FRMPD3: variants seen among roughly 807,000 people sequenced by gnomAD.
FRMPD3 encodes FERM and PDZ domain-containing protein 3.
In FRMPD3, 42 loss-of-function variants were observed where a neutral mutation model predicts 97.9. The observed-to-expected ratio is 0.43, with a 90% CI of 0.34 to 0.55. The LOEUF (loss-of-function observed/expected upper bound fraction) is 0.55, where lower values mean the gene tolerates loss of function less well. Among genes scored for constraint, FRMPD3 ranks in the 20% least tolerant of loss-of-function variants. FRMPD3 has a pLI of 0.03. For synonymous variants in FRMPD3, 577 were observed against 581.1 expected (o/e 0.99, Z 0.10); for missense variants, 1,303 against 1,457.7 (o/e 0.89, Z 1.73).
At chrX:107,573,360 T>C (rs918173426) in intron 12 of FRMPD3, among the ~76,000 whole-genome samples, 1 of 111,782 alleles carries the variant, frequency 8.9e-6, no homozygotes, top group African/African-American at 3.3e-5. Context: ...CCTCTGTATC[T>C]GTATATCCTT....
chrX:107,450,099 G>A (rs1452959092), intron 1 of FRMPD3, among the ~76,000 whole-genome samples, 94 bp downstream of exon 1: 1 of 110,623 alleles, frequency 9.0e-6, no homozygotes, highest in Non-Finnish European at 1.9e-5. Flanking sequence ...GGGCCGGCTG[G>A]GGGGCGACTG....
intron 1 of FRMPD3, among the ~76,000 whole-genome samples, chrX:107,517,158 A>T (rs113976062): frequency 9.0e-6 from 1 of 111,578 alleles, no homozygotes; most frequent in Admixed American, 9.5e-5. Flanking sequence ...TCTTGTTTTT[A>T]TCAGATAGTT....
intron 12 of FRMPD3, among the ~76,000 whole-genome samples, chrX:107,572,879 C>CACTACTACTACT (rs35706267): frequency 0.017 from 1,692 of 99,461 alleles, 34 homozygotes; most frequent in Admixed American, 0.053. Context: ...ACCACATCTC[C>CACTACTACTACT]ACTACTACTA....
At chrX:107,583,626 A>G (rs1407619313) in intron 13 of FRMPD3, among the ~76,000 whole-genome samples, 4 of 111,736 alleles carry the variant, frequency 3.6e-5, no homozygotes, top group Non-Finnish European at 3.8e-5. Context: ...GCTGAGTCAA[A>G]TGGTATTTCT....
At chrX:107,587,749 C>T (rs766970631) in intron 13 of FRMPD3, among the ~76,000 whole-genome samples, 2 of 111,717 alleles carry the variant, frequency 1.8e-5, no homozygotes, top group Non-Finnish European at 3.8e-5. Flanking sequence ...GTTGAAAATT[C>T]TTTTCTTTAA....
intron 1 of FRMPD3, among the ~76,000 whole-genome samples, chrX:107,488,278 A>T (rs978100053): frequency 4.5e-5 from 5 of 112,022 alleles, no homozygotes; most frequent in African/African-American, 1.6e-4. Flanking sequence ...TTTGACAAGG[A>T]CCCTGAATGG....
chrX:107,456,169 T>A (rs1173113751), intron 1 of FRMPD3, among the ~76,000 whole-genome samples: 1 of 109,878 alleles, frequency 9.1e-6, no homozygotes, highest in Non-Finnish European at 1.9e-5. Flanking sequence ...GCTCAAGTGA[T>A]CCTCCCACCT....
intron 1 of FRMPD3, among the ~76,000 whole-genome samples, chrX:107,458,690 CAGA>C (rs1267045493): frequency 2.7e-5 from 3 of 111,626 alleles, no homozygotes; most frequent in Non-Finnish European, 5.6e-5. Context: ...TCTCTGATGT[CAGA>C]AGAAGTTTGG....
intron 1 of FRMPD3, among the ~76,000 whole-genome samples, chrX:107,463,495 A>G: frequency 8.9e-6 from 1 of 112,480 alleles, no homozygotes; most frequent in Middle Eastern, 4.6e-3. Context: ...CTCAAAGATA[A>G]TATTTCTATA....
intron 1 of FRMPD3, among the ~76,000 whole-genome samples, chrX:107,480,768 G>T (rs1203123535): frequency 9.7e-6 from 1 of 102,872 alleles, no homozygotes. Flanking sequence ...GGCGGAGGTT[G>T]CAGTGAGCCA....
At chrX:107,491,204 G>T (rs181203278) in intron 1 of FRMPD3, among the ~76,000 whole-genome samples, 1 of 112,060 alleles carries the variant, frequency 8.9e-6, no homozygotes, top group East Asian at 2.8e-4. Context: ...CATCACTGTT[G>T]TCGTGCTTGT....
intron 13 of FRMPD3, among the ~76,000 whole-genome samples, chrX:107,582,935 A>G (rs1923461387): frequency 8.9e-6 from 1 of 112,049 alleles, no homozygotes; most frequent in Non-Finnish European, 1.9e-5. Context: ...TGTTGAATCT[A>G]TAGATCAATT....
intron 1 of FRMPD3, among the ~76,000 whole-genome samples, chrX:107,468,787 A>T (rs2100021763): frequency 8.9e-6 from 1 of 112,916 alleles, no homozygotes; most frequent in African/African-American, 3.2e-5. Context: ...CCTGCTTTGC[A>T]GCATTGGCCT....
chrX:107,572,711 G>A (rs896683777), intron 12 of FRMPD3, among the ~76,000 whole-genome samples: 4 of 109,434 alleles, frequency 3.7e-5, no homozygotes, highest in African/African-American at 6.7e-5. Flanking sequence ...GCACTCTAGC[G>A]TGGGCATCAG....
rs1921826976 is a variant in FRMPD3 at position 107,498,443 on chromosome X, G to A, written c.-7-28139G>A. ...TTAGCCTAGTCTTCCACACAAGACT[G>A]GTACTTACAACGACTTGAAGAAAAT... On this transcript the variant is annotated intron_variant, in intron 1 of 14. Transcript: ENST00000683843. Among the ~76,000 whole-genome samples, 5 of 111,892 alleles carry A rather than the reference G, an allele frequency of 4.5e-5. No homozygotes were observed. The Admixed American group carries it at 4.7e-4, about 11-fold the overall frequency.
At chrX:107,472,164 C>T (rs766895594) in intron 1 of FRMPD3, among the ~76,000 whole-genome samples, 8 of 111,955 alleles carry the variant, frequency 7.1e-5, no homozygotes, top group Non-Finnish European at 1.5e-4. Context: ...CTCATAAATA[C>T]GTTTAAATTA....
chrX:107,594,029 G>A (rs1011004217), intron 13 of FRMPD3, among the ~76,000 whole-genome samples: 6 of 111,811 alleles, frequency 5.4e-5, no homozygotes. Context: ...GTTTTCATTT[G>A]TTTGTGTCAT....
intron 4 of FRMPD3, among the ~76,000 whole-genome samples, chrX:107,542,722 T>C (rs1025981318): frequency 1.8e-5 from 2 of 112,461 alleles, no homozygotes; most frequent in Admixed American, 9.4e-5. Flanking sequence ...CTGTGGCTGA[T>C]TGGGTAAATG....
At position 107,563,098 on chromosome X, in the gene FRMPD3, G is replaced by A; in HGVS notation, c.1027-13G>A. 8.4e-7 allele frequency: 1 copy of A among 1,196,976 alleles called. No individual in the cohort carries two copies. Among genetic ancestry groups the A allele is most frequent in the South Asian group, 1.8e-5 (1 of 56,225 alleles). ...CTCAGGCTTCTCATATTTCTGGATG[G>A]GTTTTTCCACAGGGCTCTGCAATTC... On this transcript the variant is annotated splice_polypyrimidine_tract_variant and intron_variant, in intron 10 of 14. Transcript: ENST00000683843.
Sources: allele counts gnomAD v4.1 joint callset (sites outside exome capture counted in the v4.1 genomes callset), GRCh38; gene constraint gnomAD v4.1.1; transcripts MANE v1.5; gene names NCBI Gene and HGNC (gene_info 2026-07-23, HGNC 2026-07-21).